The following NTM variants were observed in gnomAD, a reference collection of about 807,000 sequenced individuals.
NTM encodes the protein IgLON family member 2.
Under a neutral mutation model 42.1 loss-of-function variants are expected in NTM, and 13 were observed. The ratio of observed to expected loss-of-function variants is 0.31; its 90% CI spans 0.20 to 0.49. NTM has a LOEUF of 0.49. Among genes scored for constraint, NTM ranks in the 20% least tolerant of loss-of-function variants. The pLI is 0.99. For missense variants in NTM, 373 were observed against 452.8 expected (o/e 0.82, Z 1.60); for synonymous variants, 187 against 179.2 (o/e 1.04, Z -0.35).
intron 2 of NTM, among the ~76,000 whole-genome samples, chr11:131,916,095 T>C (rs779350234): frequency 2.0e-5 from 3 of 152,196 alleles, no homozygotes; most frequent in Non-Finnish European, 2.9e-5. Flanking sequence ...CATGAAAACG[T>C]GGGCGATCAC....
chr11:131,790,605 A>G (rs1791248835), intron 1 of NTM, among the ~76,000 whole-genome samples: 1 of 152,178 alleles, frequency 6.6e-6, no homozygotes, highest in African/African-American at 2.4e-5. Flanking sequence ...AAAGTAGGCA[A>G]ATGTTGCAAT....
chr11:131,583,471 A>G (rs2058593412), intron 1 of NTM, among the ~76,000 whole-genome samples: 1 of 152,240 alleles, frequency 6.6e-6, no homozygotes, highest in African/African-American at 2.4e-5. Context: ...AACTGCTGTA[A>G]TTGGGTATTT....
intron 1 of NTM, among the ~76,000 whole-genome samples, chr11:131,563,640 A>C (rs1182905331): frequency 6.7e-6 from 1 of 148,174 alleles, no homozygotes; most frequent in African/African-American, 2.5e-5. Context: ...TATTTTTAAG[A>C]AACAATACTT....
At chr11:131,893,018 GA>G (rs2051625399) in intron 1 of NTM, among the ~76,000 whole-genome samples, 1 of 152,214 alleles carries the variant, frequency 6.6e-6, no homozygotes, top group Admixed American at 6.5e-5. Flanking sequence ...CTTGTTGGGG[GA>G]TTCTACCTTG....
chr11:131,705,642 C>T (rs903537330), intron 1 of NTM, among the ~76,000 whole-genome samples: 4 of 151,918 alleles, frequency 2.6e-5, no homozygotes, highest in Admixed American at 1.3e-4. Context: ...ACCATAGCTA[C>T]AATAATTTGT....
chr11:131,471,967 C>G (rs1173702036), intron 1 of NTM, among the ~76,000 whole-genome samples: 1 of 152,230 alleles, frequency 6.6e-6, no homozygotes, highest in African/African-American at 2.4e-5. Flanking sequence ...GATATGCTAT[C>G]TGGTGCATAA....
intron 1 of NTM, among the ~76,000 whole-genome samples, chr11:131,381,555 AT>A (rs2135524174): frequency 6.6e-6 from 1 of 151,928 alleles, no homozygotes; most frequent in African/African-American, 2.4e-5. Flanking sequence ...TTTTTCCGTT[AT>A]TTTTTCATAC....
rs146116829 is a variant in NTM, at chr11:132,037,152, A to G, written c.168-109130A>G. On this transcript the variant is annotated intron_variant, in intron 2 of 8. Transcript: ENST00000683400. ...TTTGGACCACCGGGATGGATCCCTC[A>G]TGAATAGATTAATGCTTCCTCTTGG... Among the ~76,000 whole-genome samples the G allele has an allele frequency of 3.4e-4, 51 of 152,238 alleles. No homozygotes were observed. The East Asian group carries it at 8.8e-3, about 26-fold the overall frequency.
intron 4 of NTM, among the ~76,000 whole-genome samples, chr11:132,277,946 T>A (rs1385968371): frequency 6.6e-6 from 1 of 152,206 alleles, no homozygotes; most frequent in East Asian, 1.9e-4. Flanking sequence ...TGCCAATTAC[T>A]TTTATATAAC....
intron 4 of NTM, among the ~76,000 whole-genome samples, chr11:132,214,278 C>A (rs571483623): frequency 6.6e-6 from 1 of 152,124 alleles, no homozygotes; most frequent in Non-Finnish European, 1.5e-5. Context: ...TGATGTGAGT[C>A]CCCAGTGCTG....
At chr11:131,791,199 C>T (rs1032670643) in intron 1 of NTM, among the ~76,000 whole-genome samples, 1 of 152,156 alleles carries the variant, frequency 6.6e-6, no homozygotes, top group African/African-American at 2.4e-5. Flanking sequence ...AGCCTACTGA[C>T]TTTAATCTAA....
At chr11:131,795,205 G>A (rs78273192) in intron 1 of NTM, 7,004 of 347,412 alleles carry the variant, frequency 0.02, 507 homozygotes, top group African/African-American at 0.15. Context: ...GCTTACTCAC[G>A]GCAGCCTAAT....
intron 1 of NTM, among the ~76,000 whole-genome samples, chr11:131,652,818 G>A (rs779940101): frequency 9.2e-5 from 14 of 152,164 alleles, no homozygotes; most frequent in Non-Finnish European, 1.9e-4. Context: ...TGAGCAAGTC[G>A]GGGCACTCCA....
intron 2 of NTM, among the ~76,000 whole-genome samples, chr11:132,045,369 C>T (rs983017158): frequency 3.9e-5 from 6 of 152,126 alleles, no homozygotes; most frequent in African/African-American, 1.4e-4. Context: ...GTAAAGGAGC[C>T]TGCCCTTACA....
intron 4 of NTM, among the ~76,000 whole-genome samples, chr11:132,249,077 C>T (rs2091609727): frequency 6.6e-6 from 1 of 152,212 alleles, no homozygotes; most frequent in Admixed American, 6.5e-5. Context: ...CAGTTCAGTT[C>T]CATGACTGCA....
At chr11:131,738,770 C>A (rs748520350) in intron 1 of NTM, among the ~76,000 whole-genome samples, 3 of 146,152 alleles carry the variant, frequency 2.1e-5, no homozygotes, top group Non-Finnish European at 3.1e-5. Context: ...AAGGTGAATG[C>A]AAACTATTTA....
intron 1 of NTM, among the ~76,000 whole-genome samples, chr11:131,540,281 C>T (rs563015685): frequency 6.7e-6 from 1 of 148,974 alleles, no homozygotes; most frequent in South Asian, 2.2e-4. Flanking sequence ...TCTCCTGCCT[C>T]AACCTCCCAA....
chr11:131,889,299 G>GA (rs1328467141), intron 1 of NTM, among the ~76,000 whole-genome samples: 1 of 152,166 alleles, frequency 6.6e-6, no homozygotes, highest in Non-Finnish European at 1.5e-5. Context: ...CTCCCAGATT[G>GA]AAGTAAGTCT....
rs140222849 is a variant in NTM, at chr11:131,930,217, T to C, written c.167+18569T>C. The stretch of plus-strand genomic sequence containing the variant: ...ATTTGAAACTTTTCTATTAACTCTT[T>C]ACTGTTGTCACCAAAGCCTTCCCTT... On this transcript the variant is annotated intron_variant, in intron 2 of 8. Transcript: ENST00000683400. Among the ~76,000 whole-genome samples, 16 of 152,334 alleles carry C rather than the reference T, an allele frequency of 1.1e-4. No individual in the cohort carries two copies. The East Asian group carries it at 3.1e-3, about 29-fold the overall frequency.
Sources: gnomAD v4.1 joint callset for allele counts (sites outside exome capture counted in the v4.1 genomes callset) on GRCh38, gnomAD v4.1.1 for gene constraint, MANE v1.5 for transcripts, NCBI Gene and HGNC (gene_info 2026-07-23, HGNC 2026-07-21) for gene names.